Variants in PCDH9 observed in about 807,000 individuals in gnomAD.
The protein encoded by PCDH9 is protocadherin 9.
A neutral mutation model predicts 70.6 loss-of-function variants in PCDH9; 24 were observed. The ratio of observed to expected loss-of-function variants is 0.34; its 90% CI spans 0.25 to 0.48. PCDH9 has a LOEUF of 0.48. Ranked by LOEUF, PCDH9 falls within the 20% of genes least tolerant of loss-of-function variation. The pLI is 0.99. For synonymous variants in PCDH9, 562 were observed against 558.5 expected (o/e 1.01, Z -0.09); for missense variants, 1,281 against 1,503.6 (o/e 0.85, Z 2.45).
At chr13:66,314,838 AATATG>A (rs1462387362) in intron 4 of PCDH9, among the ~76,000 whole-genome samples, 1 of 152,236 alleles carries the variant, frequency 6.6e-6, no homozygotes, top group Non-Finnish European at 1.5e-5. Flanking sequence ...TGCGACTATG[AATATG>A]ATAAGATTGA....
chr13:66,647,270 G>A (rs1394316309), intron 3 of PCDH9, among the ~76,000 whole-genome samples: 12 of 152,134 alleles, frequency 7.9e-5, no homozygotes, highest in Admixed American at 6.6e-4. Context: ...TACAGCTTGC[G>A]GCTCCAGGGG....
chr13:66,739,485 A>C (rs1489854078), intron 3 of PCDH9, among the ~76,000 whole-genome samples: 7 of 148,934 alleles, frequency 4.7e-5, no homozygotes, highest in Admixed American at 4.0e-4. Flanking sequence ...AAATTCACAC[A>C]TAACAATATT....
chr13:66,892,119 A>G (rs1037742810), intron 3 of PCDH9, among the ~76,000 whole-genome samples: 4 of 151,216 alleles, frequency 2.6e-5, no homozygotes, highest in African/African-American at 9.7e-5. Flanking sequence ...AGTTTTTAAT[A>G]AAAGTGGCCA....
intron 2 of PCDH9, among the ~76,000 whole-genome samples, chr13:67,144,279 G>A (rs567344380): frequency 1.1e-4 from 17 of 152,230 alleles, no homozygotes; most frequent in Non-Finnish European, 2.2e-4. Flanking sequence ...GAGGAAGAAG[G>A]TGCTACAACT....
intron 2 of PCDH9, among the ~76,000 whole-genome samples, chr13:67,071,888 C>CAAAAAAAAAAA (rs5804309): frequency 0.052 from 4,485 of 86,322 alleles, 135 homozygotes; most frequent in Non-Finnish European, 0.082. Context: ...GACTTTGTCT[C>CAAAAAAAAAAA]AAAAAAAAAA....
chr13:67,161,567 T>A (rs76794661), intron 2 of PCDH9, among the ~76,000 whole-genome samples: 9,367 of 152,252 alleles, frequency 0.062, 433 homozygotes, highest in African/African-American at 0.11. Context: ...GCCACTGAAC[T>A]CCAAGAGGAG....
At chr13:66,943,754 G>A (rs2083043877) in intron 2 of PCDH9, among the ~76,000 whole-genome samples, 1 of 152,026 alleles carries the variant, frequency 6.6e-6, no homozygotes, top group South Asian at 2.1e-4. Context: ...CTAGGAATAT[G>A]AGAAAACTTC....
chr13:66,734,205 A>C (rs2139182143), intron 3 of PCDH9, among the ~76,000 whole-genome samples: 1 of 152,348 alleles, frequency 6.6e-6, no homozygotes, highest in African/African-American at 2.4e-5. Flanking sequence ...TTATGCCTAC[A>C]TAATGAAAGC....
In PCDH9 at chr13:66,380,801, C is replaced by A. The variant is rs375116399; in HGVS notation, c.3341-75773G>T. ...CTCGTGATCCACCCGCCTCGGCCTC[C>A]CAGAGTGCTGGGATTACAGGCGTGA... On this transcript the variant is annotated intron_variant, in intron 4 of 4. Transcript: ENST00000377865. Among the ~76,000 whole-genome samples, 4 of 152,246 alleles carry A rather than the reference C, an allele frequency of 2.6e-5. No individual in the cohort carries two copies. The East Asian group carries it at 7.7e-4, about 29-fold the overall frequency.
At chr13:66,320,973 T>A (rs187962616) in intron 4 of PCDH9, among the ~76,000 whole-genome samples, 1 of 152,102 alleles carries the variant, frequency 6.6e-6, no homozygotes, top group Non-Finnish European at 1.5e-5. Flanking sequence ...TTTCGCTAAA[T>A]CTAAAGCCTG....
chr13:66,970,502 T>C (rs1421275762), intron 2 of PCDH9, among the ~76,000 whole-genome samples: 1 of 151,218 alleles, frequency 6.6e-6, no homozygotes, highest in African/African-American at 2.4e-5. Flanking sequence ...CAATCAGGTG[T>C]AGTGATGCAT....
At chr13:67,029,216 G>A (rs2084855303) in intron 2 of PCDH9, among the ~76,000 whole-genome samples, 1 of 152,030 alleles carries the variant, frequency 6.6e-6, no homozygotes, top group African/African-American at 2.4e-5. Flanking sequence ...GGGGGATGGT[G>A]GTATCCTACT....
At chr13:66,823,219 CT>C in intron 3 of PCDH9, among the ~76,000 whole-genome samples, 1 of 151,930 alleles carries the variant, frequency 6.6e-6, no homozygotes, top group African/African-American at 2.4e-5. Flanking sequence ...AGCAGTTCTA[CT>C]TTTTTATAAA....
At chr13:66,411,563 A>T (rs1229931414) in intron 4 of PCDH9, among the ~76,000 whole-genome samples, 1 of 152,092 alleles carries the variant, frequency 6.6e-6, no homozygotes, top group East Asian at 1.9e-4. Context: ...ACTGAAATTA[A>T]ATTATCTCAC....
In PCDH9 at chr13:66,968,650, T is replaced by C. The variant is rs1411108740; in HGVS notation, c.3037-65045A>G. 2.0e-5 allele frequency among the ~76,000 whole-genome samples: 3 copies of C among 152,072 alleles called. No homozygotes were observed. The East Asian group carries it at 5.8e-4, about 29-fold the overall frequency. On this transcript the variant is annotated intron_variant, in intron 2 of 4. Coordinates refer to ENST00000377865, the MANE Select transcript of PCDH9 (RefSeq NM_203487.3). The stretch of plus-strand genomic sequence containing the variant: ...CATTAGCTATCAATTCAACTGTGCA[T>C]TGCTTGTAAATATGATAAGCATAAC...
intron 3 of PCDH9, among the ~76,000 whole-genome samples, chr13:66,655,959 A>G (rs1407857258): frequency 1.3e-5 from 2 of 152,186 alleles, no homozygotes; most frequent in African/African-American, 4.8e-5. Flanking sequence ...CCTGAGTGCT[A>G]TAGAGCTGAA....
At chr13:66,968,693 C>T (rs1178873324) in intron 2 of PCDH9, among the ~76,000 whole-genome samples, 1 of 152,100 alleles carries the variant, frequency 6.6e-6, no homozygotes, top group East Asian at 1.9e-4. Context: ...ACATTAAAAT[C>T]ATTGTTAAAA....
chr13:66,352,106 G>T (rs1956302482), intron 4 of PCDH9, among the ~76,000 whole-genome samples: 1 of 152,098 alleles, frequency 6.6e-6, no homozygotes, highest in East Asian at 1.9e-4. Context: ...AAAATGTTGG[G>T]ATTACAGGCA....
intron 4 of PCDH9, among the ~76,000 whole-genome samples, chr13:66,372,142 A>T (rs779472739): frequency 1.3e-5 from 2 of 152,060 alleles, no homozygotes; most frequent in Non-Finnish European, 2.9e-5. Context: ...AGTTGAAAAG[A>T]TGAAAACACA....
Sources: gnomAD v4.1 joint callset for allele counts (sites outside exome capture counted in the v4.1 genomes callset) on GRCh38, gnomAD v4.1.1 for gene constraint, MANE v1.5 for transcripts, NCBI Gene and HGNC (gene_info 2026-07-23, HGNC 2026-07-21) for gene names.